PDE4D: variants seen among roughly 807,000 people sequenced by gnomAD.
The protein encoded by PDE4D is phosphodiesterase 4D, also known as 3',5'-cyclic-AMP phosphodiesterase 4D.
PDE4D carries 24 observed loss-of-function variants against 87.4 expected under a neutral mutation model. The ratio of observed to expected loss-of-function variants is 0.27; its 90% CI spans 0.20 to 0.39. The LOEUF (loss-of-function observed/expected upper bound fraction) is 0.39. Ranked by LOEUF, PDE4D falls within the 10% of genes least tolerant of loss-of-function variation. The pLI is 1.00. For missense variants in PDE4D, 714 were observed against 1,041.0 expected (o/e 0.69, Z 4.32); for synonymous variants, 384 against 383.2 (o/e 1.00, Z -0.02).
chr5:59,576,422 T>G (rs1027790222), intron 1 of PDE4D, among the ~76,000 whole-genome samples: 1 of 152,026 alleles, frequency 6.6e-6, no homozygotes, highest in African/African-American at 2.4e-5. Flanking sequence ...CGACCCTACC[T>G]TATCTCAAAA....
chr5:59,891,080 A>G (rs984673324), intron 1 of PDE4D, among the ~76,000 whole-genome samples: 4 of 152,216 alleles, frequency 2.6e-5, no homozygotes, highest in African/African-American at 7.2e-5. Flanking sequence ...TAGAATGACA[A>G]TGATATATCA....
At chr5:59,777,406 C>T (rs1470616111) in intron 1 of PDE4D, among the ~76,000 whole-genome samples, 1 of 152,080 alleles carries the variant, frequency 6.6e-6, no homozygotes, top group Admixed American at 6.6e-5. Context: ...ACTAACAGGA[C>T]AGAAAAATAT....
intron 1 of PDE4D, among the ~76,000 whole-genome samples, chr5:60,293,441 G>A (rs1753088222): frequency 6.6e-6 from 1 of 152,136 alleles, no homozygotes; most frequent in South Asian, 2.1e-4. Flanking sequence ...TTGAACCTGA[G>A]AGGCGGAGGT....
chr5:59,342,596 A>G (rs1354422973), intron 1 of PDE4D, among the ~76,000 whole-genome samples: 1 of 152,152 alleles, frequency 6.6e-6, no homozygotes, highest in Non-Finnish European at 1.5e-5. Flanking sequence ...ACAGAGTTTA[A>G]ATTGTTGACA....
intron 5 of PDE4D, among the ~76,000 whole-genome samples, chr5:59,165,447 TGTGTTTTTA>T (rs930143678): frequency 5.1e-4 from 78 of 152,188 alleles, no homozygotes; most frequent in African/African-American, 1.9e-3. Context: ...CTAATTTTTT[TGTGTTTTTA>T]GTAGAGACAG....
chr5:59,989,408 T>TTA (rs958460806), intron 2 of PDE4D, among the ~76,000 whole-genome samples: 2 of 151,998 alleles, frequency 1.3e-5, no homozygotes, highest in African/African-American at 2.4e-5. Flanking sequence ...GACTGTATAT[T>TTA]TATATATATC....
At chr5:59,114,671 G>A (rs1773272946) in intron 5 of PDE4D, among the ~76,000 whole-genome samples, 1 of 152,122 alleles carries the variant, frequency 6.6e-6, no homozygotes, top group Non-Finnish European at 1.5e-5. Flanking sequence ...GGAAGGGTGG[G>A]GGGAAAGGAA....
intron 1 of PDE4D, among the ~76,000 whole-genome samples, chr5:60,272,170 C>T (rs570596196): frequency 1.2e-4 from 18 of 152,310 alleles, no homozygotes; most frequent in African/African-American, 4.3e-4. Flanking sequence ...TGGGAGACAG[C>T]ATTAAAATTA....
intron 1 of PDE4D, among the ~76,000 whole-genome samples, chr5:59,742,519 T>C (rs1759006081): frequency 6.6e-6 from 1 of 152,230 alleles, no homozygotes; most frequent in South Asian, 2.1e-4. Context: ...ATTTACTCCA[T>C]TTTATATCCA....
At chr5:59,151,451 G>T (rs1779462889) in intron 5 of PDE4D, among the ~76,000 whole-genome samples, 1 of 152,118 alleles carries the variant, frequency 6.6e-6, no homozygotes, top group Non-Finnish European at 1.5e-5. Flanking sequence ...TTATCTGGTT[G>T]GTTTCTGTCT....
At chr5:59,786,219 A>C (rs553554971) in intron 1 of PDE4D, among the ~76,000 whole-genome samples, 2 of 152,326 alleles carry the variant, frequency 1.3e-5, no homozygotes, top group Non-Finnish European at 2.9e-5. Flanking sequence ...AAAACCTTGA[A>C]TTGTAATCTC....
chr5:59,681,900 CAAAAAAAAAAAA>C (rs11266968), intron 1 of PDE4D, among the ~76,000 whole-genome samples: 2 of 96,444 alleles, frequency 2.1e-5, no homozygotes, highest in African/African-American at 3.8e-5. Flanking sequence ...GACTCTGTCT[CAAAAAAAAAAAA>C]AAAAAAAATG....
Position 60,020,789 on chromosome 5 carries a change from A to T in PDE4D, c.43-32072T>A, listed in dbSNP as rs138400167. Among the ~76,000 whole-genome samples the T allele has an allele frequency of 5.2e-3, 793 of 152,226 alleles. 3 individuals carry two copies. The highest frequency in any genetic ancestry group is 0.01 in the Middle Eastern group (3 of 294). ...TGATCTGGCCTAACAAATTGTGAGG[A>T]AAAAAAATAATTATTGTTCTTAAGC... On this transcript the variant is annotated intron_variant, in intron 2 of 16. Coordinates refer to the PDE4D transcript ENST00000502484.
intron 1 of PDE4D, among the ~76,000 whole-genome samples, chr5:59,780,970 C>T (rs1484628980): frequency 6.6e-6 from 1 of 151,726 alleles, no homozygotes; most frequent in Non-Finnish European, 1.5e-5. Flanking sequence ...AGTTCGAGAC[C>T]AGCCTGACTA....
chr5:60,494,614 C>A (rs142968639), intron 1 of PDE4D, among the ~76,000 whole-genome samples: 124 of 152,256 alleles, frequency 8.1e-4, no homozygotes, highest in African/African-American at 2.9e-3. Flanking sequence ...TCTTTGTGGC[C>A]CACAAAGGGG....
At chr5:59,614,645 G>C (rs1829432895) in intron 1 of PDE4D, among the ~76,000 whole-genome samples, 1 of 152,094 alleles carries the variant, frequency 6.6e-6, no homozygotes, top group Non-Finnish European at 1.5e-5. Context: ...GTATTTTAAA[G>C]CATTTTAAAA....
rs201531164 is a variant in PDE4D, at chr5:59,209,533, AT to A, written c.647+6243del. Among the ~76,000 whole-genome samples, 6 of 152,232 alleles carry A rather than the reference AT, an allele frequency of 3.9e-5. No homozygotes were observed. In the East Asian group the frequency reaches 1.2e-3, roughly 29 times the overall value. ...ATATGAATAAACAACTAATCCAAAT[AT>A]TTTCAGACTTTCTCAGTACATGGTG... On this transcript the variant is annotated intron_variant, in intron 2 of 14. Transcript: ENST00000340635.
chr5:59,772,633 C>A (rs962416370), intron 1 of PDE4D, among the ~76,000 whole-genome samples: 3 of 152,120 alleles, frequency 2.0e-5, no homozygotes, highest in Admixed American at 2.0e-4. Context: ...GCTAGATTTC[C>A]CACAATGGAA....
At chr5:59,101,037 G>A (rs915740996) in intron 5 of PDE4D, among the ~76,000 whole-genome samples, 1 of 152,144 alleles carries the variant, frequency 6.6e-6, no homozygotes, top group African/African-American at 2.4e-5. Context: ...GTCCTTGCTG[G>A]TTTGGGTCTC....
Sources: allele counts gnomAD v4.1 joint callset (sites outside exome capture counted in the v4.1 genomes callset), GRCh38; gene constraint gnomAD v4.1.1; transcripts MANE v1.5; gene names NCBI Gene and HGNC (gene_info 2026-07-23, HGNC 2026-07-21).